Variants in TSHR observed in about 807,000 individuals in gnomAD.
The protein encoded by TSHR is thyroid stimulating hormone receptor.
TSHR carries 51 observed loss-of-function variants against 64.1 expected under a neutral mutation model. The observed-to-expected ratio is 0.80, with a 90% CI of 0.64 to 1.01. The LOEUF (loss-of-function observed/expected upper bound fraction) is 1.01. Among genes scored for constraint, TSHR ranks in the 50% least tolerant of loss-of-function variants. The pLI is 0.00. For synonymous variants in TSHR, 361 were observed against 361.9 expected, an observed-to-expected ratio of 1.00 and a Z score of 0.03; for missense variants, 877 against 942.8, an observed-to-expected ratio of 0.93 and a Z score of 0.91.
At chr14:81,078,102 AT>A (rs1332496706) in intron 3 of TSHR, among the ~76,000 whole-genome samples, 1 of 151,388 alleles carries the variant, frequency 6.6e-6, no homozygotes, top group Non-Finnish European at 1.5e-5. Context: ...AAAGAAAAAA[AT>A]AGTCATTTAT....
At chr14:81,038,180 AT>A (rs1408218970) in intron 1 of TSHR, among the ~76,000 whole-genome samples, 2 of 152,052 alleles carry the variant, frequency 1.3e-5, no homozygotes, top group African/African-American at 2.4e-5. Context: ...AAGAGGAAGA[AT>A]TTTGGAAATC....
intron 8 of TSHR, among the ~76,000 whole-genome samples, chr14:81,136,939 G>A (rs1891478784): frequency 6.6e-6 from 1 of 152,192 alleles, no homozygotes; most frequent in South Asian, 2.1e-4. Flanking sequence ...ACCTGAAAGT[G>A]AAGACTAGCT....
At chr14:81,123,149 T>A (rs1404380180) in intron 8 of TSHR, among the ~76,000 whole-genome samples, 1 of 151,830 alleles carries the variant, frequency 6.6e-6, no homozygotes, top group Non-Finnish European at 1.5e-5. Context: ...AAATTAACAC[T>A]TAATTTAATA....
intron 1 of TSHR, chr14:80,995,166 A>G (rs1346197270): frequency 6.6e-6 from 1 of 152,154 alleles, no homozygotes; most frequent in Admixed American, 6.5e-5. Flanking sequence ...CAAAACCACA[A>G]TGAGGTACCA....
intron 1 of TSHR, among the ~76,000 whole-genome samples, chr14:80,989,216 G>C (rs1214434289): frequency 6.6e-6 from 1 of 152,124 alleles, no homozygotes; most frequent in African/African-American, 2.4e-5. Flanking sequence ...GTTTGTTACA[G>C]CATTTTTTAC....
At chr14:81,007,158 A>G (rs904613021) in intron 1 of TSHR, among the ~76,000 whole-genome samples, 8 of 152,204 alleles carry the variant, frequency 5.3e-5, no homozygotes, top group African/African-American at 1.9e-4. Flanking sequence ...GGAGGGAATT[A>G]GATTTATATG....
intron 1 of TSHR, chr14:81,014,061 A>G (rs1042706234): frequency 3.9e-5 from 6 of 152,236 alleles, no homozygotes; most frequent in African/African-American, 1.2e-4. Context: ...GCAACAAATA[A>G]TCACCTCTAA....
At chr14:81,057,933 G>A (rs756960146) in intron 1 of TSHR, among the ~76,000 whole-genome samples, 38 of 152,340 alleles carry the variant, frequency 2.5e-4, no homozygotes, top group Non-Finnish European at 4.9e-4. Context: ...TGCAACACAA[G>A]CTATGTGTTT....
chr14:81,042,126 CAAAATACCAAA>C (rs934599843), intron 1 of TSHR, among the ~76,000 whole-genome samples: 4 of 151,980 alleles, frequency 2.6e-5, no homozygotes, highest in African/African-American at 4.8e-5. Flanking sequence ...TGGGTATTCT[CAAAATACCAAA>C]AAATGACAAA....
chr14:81,104,326 T>A (rs571738898), intron 7 of TSHR: 1 of 985,350 alleles, frequency 1.0e-6, no homozygotes, highest in East Asian at 1.1e-4. Flanking sequence ...AGTGTTCCCA[T>A]GAGAGTCTCA....
intron 1 of TSHR, among the ~76,000 whole-genome samples, chr14:80,981,717 G>A (rs1888181946): frequency 6.6e-6 from 1 of 152,116 alleles, no homozygotes; most frequent in Admixed American, 6.5e-5. Flanking sequence ...TAGCTGTGGT[G>A]GCTTTGGATT....
intron 3 of TSHR, among the ~76,000 whole-genome samples, chr14:81,085,027 T>C (rs1046646899): frequency 6.6e-6 from 1 of 152,198 alleles, no homozygotes; most frequent in Non-Finnish European, 1.5e-5. Context: ...AGTGGCACAA[T>C]CTCAGCTCAC....
At chr14:80,993,086 A>C (rs1888827560) in intron 1 of TSHR, 1 of 152,232 alleles carries the variant, frequency 6.6e-6, no homozygotes, top group South Asian at 2.1e-4. Flanking sequence ...AGAGAAAAAT[A>C]AAATATAGAT....
intron 1 of TSHR, among the ~76,000 whole-genome samples, chr14:81,020,095 C>A (rs775398703): frequency 1.3e-5 from 2 of 150,558 alleles, no homozygotes; most frequent in Non-Finnish European, 2.9e-5. Flanking sequence ...AACAAAACAA[C>A]ATATATTTAT....
chr14:81,050,398 A>G (rs1885369131), intron 1 of TSHR: 2 of 152,194 alleles, frequency 1.3e-5, no homozygotes, highest in Non-Finnish European at 2.9e-5. Flanking sequence ...TCATGATTTC[A>G]GGCAAACTTC....
chr14:80,998,142 A>G (rs4903962), intron 1 of TSHR, among the ~76,000 whole-genome samples: 64,639 of 152,020 alleles, frequency 0.43, 14,294 homozygotes, highest in East Asian at 0.58. Flanking sequence ...CCAAGACAAA[A>G]GGACAAAAAA....
chr14:81,018,201 C>G (rs1429933074), intron 1 of TSHR, among the ~76,000 whole-genome samples: 5 of 152,160 alleles, frequency 3.3e-5, no homozygotes, highest in African/African-American at 9.7e-5. Context: ...TAACAAAGAG[C>G]TTAGTTCATG....
chr14:80,996,503 G>C (rs1337420326), intron 1 of TSHR, among the ~76,000 whole-genome samples: 1 of 152,154 alleles, frequency 6.6e-6, no homozygotes, highest in Non-Finnish European at 1.5e-5. Flanking sequence ...CCAGCAGAGG[G>C]AGCACAAAGA....
intron 1 of TSHR, among the ~76,000 whole-genome samples, chr14:81,035,757 T>C (rs1017058818): frequency 2.0e-5 from 3 of 152,222 alleles, no homozygotes; most frequent in African/African-American, 7.2e-5. Flanking sequence ...TTATGTGTTG[T>C]ACACTTTACC....
Sources: gnomAD v4.1 joint callset for allele counts (sites outside exome capture counted in the v4.1 genomes callset) on GRCh38, gnomAD v4.1.1 for gene constraint, MANE v1.5 for transcripts, NCBI Gene and HGNC (gene_info 2026-07-23, HGNC 2026-07-21) for gene names.